The following FNIP1 variants were observed in gnomAD, a reference collection of about 807,000 sequenced individuals.
FNIP1 encodes folliculin-interacting protein 1.
FNIP1 carries 40 observed loss-of-function variants against 124.5 expected under a neutral mutation model. The observed-to-expected ratio is 0.32, with a 90% confidence interval of 0.25 to 0.42. The LOEUF (loss-of-function observed/expected upper bound fraction) is 0.42, where lower values mean the gene tolerates loss of function less well. Ranked by LOEUF, FNIP1 falls within the 10% of genes least tolerant of loss-of-function variation. The pLI, the probability that FNIP1 is intolerant of heterozygous loss-of-function variation, is 1.00. For missense variants in FNIP1, 1,176 were observed against 1,403.7 expected (o/e 0.84, Z 2.59); for synonymous variants, 472 against 470.6 (o/e 1.00, Z -0.04).
chr5:131,647,225 A>G lies in FNIP1; in HGVS notation c.3307-20T>C. 6.3e-7 allele frequency: 1 copy of G among 1,587,962 alleles called. No individual in the cohort carries two copies. Among genetic ancestry groups the G allele is most frequent in the Non-Finnish European group, 8.6e-7 (1 of 1,156,304 alleles). On this transcript the variant is annotated intron_variant, in intron 16 of 17. Coordinates refer to ENST00000510461, the MANE Select transcript of FNIP1 (RefSeq NM_133372.3). ...TACACACTGCAGTTAGGGAGGAACCAAGAACCAGGTCAGAAAACAGTTTGC... is the reference window on the plus strand; with the variant it reads ...TACACACTGCAGTTAGGGAGGAACCGAGAACCAGGTCAGAAAACAGTTTGC...
chr5:131,642,994 T>G lies in FNIP1; in HGVS notation c.*1691A>C, dbSNP rs780871294. 2 of 151,978 alleles carry G rather than the reference T, an allele frequency of 1.3e-5. No homozygotes were observed. 9.4% of individuals were successfully genotyped at this position (151,978 alleles called of 1,614,324 possible). A position where few individuals can be genotyped will look rare whatever the true frequency, so the allele number is the denominator to read the frequency against. On this transcript the variant is annotated 3_prime_UTR_variant, in exon 18 of 18. Coordinates refer to ENST00000510461, the MANE Select transcript of FNIP1 (RefSeq NM_133372.3). ...TCAGACAACTGGATAATTTTGTTAA[T>G]GCACAGAATAAGAAAATTAAGCCAA...
intron 15 of FNIP1, among the ~76,000 whole-genome samples, chr5:131,663,896 G>A (rs1178505429): frequency 1.3e-5 from 2 of 152,150 alleles, no homozygotes; most frequent in Non-Finnish European, 2.9e-5. Flanking sequence ...AAAAGAATGT[G>A]GTTTTGATGG....
intron 3 of FNIP1, among the ~76,000 whole-genome samples, chr5:131,727,437 T>G (rs973810653): frequency 1.3e-5 from 2 of 152,218 alleles, no homozygotes; most frequent in Non-Finnish European, 2.9e-5. Context: ...TCTTTGTCTT[T>G]TTGTTTTTCT....
chr5:131,704,138 A>G lies in FNIP1; in HGVS notation c.1043T>C (p.Phe348Ser), dbSNP rs1768995261. 9 of 1,612,870 alleles carry G rather than the reference A, an allele frequency of 5.6e-6. No homozygotes were observed. The highest frequency in any genetic ancestry group is 7.6e-6 in the Non-Finnish European group (9 of 1,179,150). The change falls in exon 10 of 18, where the codon TTT becomes TCT. Residue 348 changes from phenylalanine to serine, a missense_variant. Phe to Ser is a radical substitution (Grantham distance 155). Coordinates refer to ENST00000510461, the MANE Select transcript of FNIP1 (RefSeq NM_133372.3). ...LSKDEDENNK[F>S]NEFFFSHFPL... The stretch of plus-strand genomic sequence containing the variant: ...AAAATGTGAAAAAAAGAATTCATTA[A>G]ATTTGTTATTTTCATCTTCATCTTT...
rs1267245885 is a variant in FNIP1, at chr5:131,642,400, G to C, written c.*2285C>G. ...ATTAATGATTCTTTAAGAAACTATA[G>C]GTCATTTCCTTCCCAGCAAAGCTTA... is the stretch of plus-strand genomic sequence containing the variant. On this transcript the variant is annotated 3_prime_UTR_variant, in exon 18 of 18. Coordinates refer to ENST00000510461, the MANE Select transcript of FNIP1 (RefSeq NM_133372.3). The C allele has an allele frequency of 6.6e-6, 1 of 152,216 alleles. No individual in the cohort carries two copies. The highest frequency in any genetic ancestry group is 6.6e-5 in the Admixed American group (1 of 15,266). The allele number at this position is 152,216 out of a possible 1,614,324, so 9.4% of individuals were successfully genotyped here. A position where few individuals can be genotyped will look rare whatever the true frequency, so the allele number is the denominator to read the frequency against.
chr5:131,676,576 T>C (rs1161461431), intron 13 of FNIP1, among the ~76,000 whole-genome samples: 3 of 151,976 alleles, frequency 2.0e-5, no homozygotes, highest in Admixed American at 6.6e-5. Flanking sequence ...TGGGGGAACA[T>C]GGCAAAACCC....
chr5:131,722,850 T>C lies in FNIP1; in HGVS notation c.355-3433A>G, dbSNP rs572772755. Among the ~76,000 whole-genome samples the C allele has an allele frequency of 4.2e-3, 639 of 152,306 alleles. 7 individuals are homozygous for C. The highest frequency in any genetic ancestry group is 6.3e-3 in the Non-Finnish European group (426 of 68,030). On this transcript the variant is annotated intron_variant, in intron 3 of 17. Transcript: ENST00000510461. ...ACAGGTGCGTACCACCATACCCAGC[T>C]AATTTTTGTATTTTTAGTAGAGACA...
rs1769399896 is a variant in FNIP1 at position 131,714,444 on chromosome 5, C to T, written c.622+2121G>A. On this transcript the variant is annotated intron_variant, in intron 6 of 17. Transcript: ENST00000510461. Reference sequence around the variant, plus strand: ...CGTTAAAAAAAACAGGTAAAGGACCCGAACCAACACACCTGCACTGGTGCC... The same window carrying T: ...CGTTAAAAAAAACAGGTAAAGGACCTGAACCAACACACCTGCACTGGTGCC... Among the ~76,000 whole-genome samples the T allele has an allele frequency of 2.0e-5, 3 of 152,222 alleles. No individual in the cohort carries two copies. The South Asian group carries it at 6.2e-4, about 32-fold the overall frequency.
At chr5:131,733,459 GT>G (rs1448662136) in intron 2 of FNIP1, among the ~76,000 whole-genome samples, 2 of 152,180 alleles carry the variant, frequency 1.3e-5, no homozygotes, top group African/African-American at 4.8e-5. Context: ...GATTTTGGCT[GT>G]GGGTCTGTCA....
intron 1 of FNIP1, among the ~76,000 whole-genome samples, chr5:131,759,084 G>A (rs911449246): frequency 4.0e-5 from 6 of 151,730 alleles, no homozygotes; most frequent in African/African-American, 9.7e-5. Flanking sequence ...CTTTTTAACC[G>A]TATAAAAAAA....
intron 4 of FNIP1, 68 bp from the exon 5 acceptor site, chr5:131,719,128 T>C (rs1195283585): frequency 4.9e-6 from 7 of 1,442,720 alleles, no homozygotes; most frequent in Non-Finnish European, 6.8e-6. Flanking sequence ...TTATTATAAA[T>C]AAAAATGTGT....
chr5:131,719,483 T>G, intron 3 of FNIP1, 66 bp from the exon 4 acceptor site: 15 of 1,424,496 alleles, frequency 1.1e-5, no homozygotes, highest in Non-Finnish European at 1.4e-5. Context: ...CATATGTTGA[T>G]TTTTATTAAA....
intron 2 of FNIP1, among the ~76,000 whole-genome samples, chr5:131,740,510 C>T (rs915751023): frequency 2.6e-5 from 4 of 152,202 alleles, no homozygotes; most frequent in African/African-American, 9.6e-5. Flanking sequence ...TATAACTTAA[C>T]TGGGAACTCA....
At chr5:131,662,842 C>T (rs986851438) in intron 15 of FNIP1, among the ~76,000 whole-genome samples, 2 of 148,272 alleles carry the variant, frequency 1.3e-5, no homozygotes, top group Non-Finnish European at 3.0e-5. Flanking sequence ...CAGGTTCAAG[C>T]GGTTCTCCTG....
chr5:131,708,915 GT>G (rs1237886093), intron 8 of FNIP1, among the ~76,000 whole-genome samples: 15 of 151,714 alleles, frequency 9.9e-5, no homozygotes, highest in African/African-American at 3.6e-4. Flanking sequence ...TTTTACTACA[GT>G]TTCTAAGCAG....
intron 1 of FNIP1, among the ~76,000 whole-genome samples, chr5:131,781,352 A>C (rs1223327555): frequency 6.6e-6 from 1 of 152,232 alleles, no homozygotes; most frequent in Non-Finnish European, 1.5e-5. Context: ...TGTAGACAAA[A>C]CAGCCTATTT....
At chr5:131,766,605 T>C (rs1358254307) in intron 1 of FNIP1, among the ~76,000 whole-genome samples, 1 of 152,106 alleles carries the variant, frequency 6.6e-6, no homozygotes, top group Non-Finnish European at 1.5e-5. Flanking sequence ...AATTGGCTCA[T>C]GAGATTACAG....
intron 1 of FNIP1, among the ~76,000 whole-genome samples, chr5:131,775,347 T>G (rs908780505): frequency 3.9e-5 from 6 of 152,062 alleles, no homozygotes; most frequent in African/African-American, 1.4e-4. Flanking sequence ...TAAATTAACA[T>G]GTAAACATTT....
chr5:131,732,463 G>A (rs555045280), intron 2 of FNIP1, among the ~76,000 whole-genome samples: 11 of 152,270 alleles, frequency 7.2e-5, no homozygotes, highest in African/African-American at 2.6e-4. Flanking sequence ...ATGGTTTTAG[G>A]TCTAACATTT....
Sources: allele counts gnomAD v4.1 joint callset (sites outside exome capture counted in the v4.1 genomes callset), GRCh38; gene constraint gnomAD v4.1.1; transcripts MANE v1.5; gene names NCBI Gene and HGNC (gene_info 2026-07-23, HGNC 2026-07-21).